Variants in ATAD2 observed in about 807,000 individuals in gnomAD.
The protein encoded by ATAD2 is ATPase family AAA domain-containing protein 2.
Under a neutral mutation model 168.9 loss-of-function variants are expected in ATAD2, and 62 were observed. The observed-to-expected ratio is 0.37, with a 90% confidence interval of 0.30 to 0.45. The LOEUF (loss-of-function observed/expected upper bound fraction) is 0.45. Among genes scored for constraint, ATAD2 ranks in the 20% least tolerant of loss-of-function variants. The pLI is 1.00. For missense variants in ATAD2, 1,419 were observed against 1,667.8 expected, an observed-to-expected ratio of 0.85 and a Z score of 2.60; for synonymous variants, 613 against 571.6, an observed-to-expected ratio of 1.07 and a Z score of -1.03.
intron 22 of ATAD2, among the ~76,000 whole-genome samples, chr8:123,335,940 TA>T (rs1827901051): frequency 6.6e-6 from 1 of 152,160 alleles, no homozygotes. Context: ...TTAAAAATAT[TA>T]CTACTAGTAA....
intron 4 of ATAD2, 93 bp from the exon 5 acceptor site, chr8:123,371,431 C>T: frequency 9.7e-7 from 1 of 1,031,102 alleles, no homozygotes; most frequent in Non-Finnish European, 1.4e-6. Flanking sequence ...ACTTTTGGCA[C>T]TAAGGTTTTA....
chr8:123,331,314 C>T (rs1172171428), intron 24 of ATAD2, among the ~76,000 whole-genome samples: 2 of 152,144 alleles, frequency 1.3e-5, no homozygotes, highest in African/African-American at 2.4e-5. Flanking sequence ...ATCTGGCTCA[C>T]TGCAAACCCC....
chr8:123,334,363 T>A, intron 22 of ATAD2, 41 bp from the exon 23 acceptor site: 2 of 1,452,964 alleles, frequency 1.4e-6, no homozygotes, highest in Non-Finnish European at 1.8e-6. Flanking sequence ...ATTTCCCCCT[T>A]TTAATAATAT....
At chr8:123,352,500 T>C (rs1053435690) in intron 13 of ATAD2, 1 of 152,212 alleles carries the variant, frequency 6.6e-6, no homozygotes, top group Non-Finnish European at 1.5e-5. Flanking sequence ...ATTGGTGTTT[T>C]GTCAAAGAAA....
intron 1 of ATAD2, among the ~76,000 whole-genome samples, chr8:123,408,130 AAAG>A (rs1813092368): frequency 6.6e-6 from 1 of 152,224 alleles, no homozygotes; most frequent in Non-Finnish European, 1.5e-5. Context: ...ATTTCCCACA[AAAG>A]AAGAAAAAAA....
intron 22 of ATAD2, 24 bp downstream of exon 22, chr8:123,336,349 G>T: frequency 1.3e-6 from 2 of 1,559,718 alleles, no homozygotes; most frequent in Admixed American, 2.1e-5. Flanking sequence ...TCAACCCCCT[G>T]AAAAAAAATT....
chr8:123,388,487 G>A (rs1422000207), intron 1 of ATAD2, among the ~76,000 whole-genome samples: 1 of 152,096 alleles, frequency 6.6e-6, no homozygotes. Flanking sequence ...TCTGCCTCCT[G>A]GGTTCAAGCG....
Position 123,333,936 on chromosome 8 carries a change from G to A in ATAD2, c.3420C>T (p.Asp1140=), listed in dbSNP as rs1827846368. ...NSTLVGDKRS[D]PEQNEKLKTP... Reference sequence around the variant, plus strand: ...TCTTTAGCTTTTCATTCTGCTCTGGGTCTGATCTTTTATCACCAACAAGAG... The same window carrying A: ...TCTTTAGCTTTTCATTCTGCTCTGGATCTGATCTTTTATCACCAACAAGAG... The change falls in exon 24 of 28, where the codon GAC becomes GAT. Residue 1140 remains aspartate, a synonymous_variant. Transcript: ENST00000287394. 2 of 1,614,000 alleles carry A rather than the reference G, an allele frequency of 1.2e-6. No homozygotes were observed. Among genetic ancestry groups the A allele is most frequent in the South Asian group, 1.1e-5 (1 of 91,086 alleles).
chr8:123,320,756 A>T lies in ATAD2; in HGVS notation c.*378T>A, dbSNP rs1187377769. The T allele has an allele frequency of 5.8e-6, 1 of 172,806 alleles. No homozygotes were observed. Among genetic ancestry groups the T allele is most frequent in the African/African-American group, 2.4e-5 (1 of 41,752 alleles). The allele number at this position is 172,806 out of a possible 1,614,324, so 10.7% of individuals were successfully genotyped here. ...ACAATGGTTAAGTAAGTTTCTTGTCAGATACAATAAACTATTTTTAGGAAG... is the reference window on the plus strand; with the variant it reads ...ACAATGGTTAAGTAAGTTTCTTGTCTGATACAATAAACTATTTTTAGGAAG... On this transcript the variant is annotated 3_prime_UTR_variant, in exon 28 of 28. Coordinates refer to ENST00000287394, the MANE Select transcript of ATAD2 (RefSeq NM_014109.4).
intron 1 of ATAD2, 96 bp from the exon 2 acceptor site, chr8:123,380,773 A>T (rs1479866334): frequency 3.1e-6 from 4 of 1,298,340 alleles, no homozygotes; most frequent in African/African-American, 1.5e-5. Flanking sequence ...AGTTAGTAAA[A>T]ACTGCTTTTT....
At chr8:123,400,948 C>T (rs1442820488), upstream of ATAD2, 3 of 1,413,382 alleles carry the variant, frequency 2.1e-6, no homozygotes, top group East Asian at 6.8e-5. This position sits in a 1 kb window ranked among gnomAD's most constrained non-coding sequence, Gnocchi z 4.5. Context: ...GAGCCCCTCG[C>T]ACCCTGTGGG....
chr8:123,391,066 T>TA lies in ATAD2; in HGVS notation c.171+5120dup, dbSNP rs549517695. ...AAGTAATGTACGATCATCATCAATT[T>TA]AAAAAAAACACCCTACTATCCATCC... On this transcript the variant is annotated intron_variant, in intron 1 of 27. Transcript: ENST00000287394. Among the ~76,000 whole-genome samples the TA allele has an allele frequency of 1.3e-3, 198 of 151,110 alleles. 2 individuals carry two copies. In the Middle Eastern group the frequency reaches 0.014, roughly 10 times the overall value.
intron 1 of ATAD2, among the ~76,000 whole-genome samples, chr8:123,393,001 G>A (rs1361519058): frequency 1.3e-5 from 2 of 152,038 alleles, no homozygotes; most frequent in African/African-American, 4.8e-5. Context: ...TGGCCAACAC[G>A]GTGAAACCTT....
At chr8:123,389,341 T>C (rs1039343367) in intron 1 of ATAD2, among the ~76,000 whole-genome samples, 5 of 145,896 alleles carry the variant, frequency 3.4e-5, no homozygotes, top group African/African-American at 1.3e-4. Flanking sequence ...AATTCTGGCA[T>C]AAAACTCCCA....
chr8:123,394,645 A>G (rs1001874068), intron 1 of ATAD2, among the ~76,000 whole-genome samples: 2 of 152,194 alleles, frequency 1.3e-5, no homozygotes, highest in African/African-American at 4.8e-5. Flanking sequence ...GAAGAAAAAA[A>G]AAAGAGCCTA....
chr8:123,390,585 T>C (rs1300396408), intron 1 of ATAD2, among the ~76,000 whole-genome samples: 2 of 152,236 alleles, frequency 1.3e-5, no homozygotes, highest in Non-Finnish European at 2.9e-5. Context: ...CTTTAAGTTT[T>C]TAAAATCTCC....
intron 1 of ATAD2, among the ~76,000 whole-genome samples, chr8:123,392,749 T>A (rs914709810): frequency 6.0e-5 from 9 of 150,802 alleles, no homozygotes; most frequent in Admixed American, 3.3e-4. Flanking sequence ...TGGAATAGAG[T>A]GCGTTTTGTA....
intron 8 of ATAD2, among the ~76,000 whole-genome samples, chr8:123,364,383 C>T (rs1828910281): frequency 6.6e-6 from 1 of 152,040 alleles, no homozygotes. Flanking sequence ...AAACACTATT[C>T]CACAAGGTAG....
At chr8:123,356,505 T>A in intron 12 of ATAD2, 28 bp from the exon 13 acceptor site, 1 of 1,556,512 alleles carries the variant, frequency 6.4e-7, no homozygotes, top group Non-Finnish European at 8.8e-7. Flanking sequence ...TGGTCATTTG[T>A]TAGCATAAAC....
Sources: gnomAD v4.1 joint callset for allele counts (sites outside exome capture counted in the v4.1 genomes callset) on GRCh38, gnomAD v4.1.1 for gene constraint, Gnocchi (gnomAD v3.1) non-coding constraint, MANE v1.5 for transcripts, NCBI Gene and HGNC (gene_info 2026-07-23, HGNC 2026-07-21) for gene names.